The following GALNT13 variants were observed in gnomAD, a reference collection of about 807,000 sequenced individuals.
The protein encoded by GALNT13 is polypeptide N-acetylgalactosaminyltransferase 13.
In GALNT13, 28 loss-of-function variants were observed where a neutral mutation model predicts 64.2. The observed-to-expected ratio is 0.44, with a 90% CI of 0.32 to 0.60. The LOEUF is 0.60. Among genes scored for constraint, GALNT13 ranks in the 20% least tolerant of loss-of-function variants. The pLI, the probability that GALNT13 is intolerant of heterozygous loss-of-function variation, is 0.05. For synonymous variants in GALNT13, 214 were observed against 224.6 expected (o/e 0.95, Z 0.42); for missense variants, 577 against 669.8 (o/e 0.86, Z 1.53).
At chr2:154,038,284 T>C (rs927164021) in intron 3 of GALNT13, among the ~76,000 whole-genome samples, 4 of 152,126 alleles carry the variant, frequency 2.6e-5, no homozygotes, top group African/African-American at 9.7e-5. Context: ...AACATTTGAA[T>C]TGAACCACAA....
At chr2:153,982,100 G>A (rs1215728201) in intron 3 of GALNT13, among the ~76,000 whole-genome samples, 1 of 151,982 alleles carries the variant, frequency 6.6e-6, no homozygotes, top group Non-Finnish European at 1.5e-5. Flanking sequence ...TAACAAATGT[G>A]TGCTAGGAGA....
chr2:153,586,013 C>A, the GALNT13 span, among the ~76,000 whole-genome samples: 1 of 151,840 alleles, frequency 6.6e-6, no homozygotes, highest in African/African-American at 2.4e-5. Flanking sequence ...ATGATATTCA[C>A]CATCATGAAA....
chr2:153,961,859 G>T lies in GALNT13; in HGVS notation c.142+17220G>T, dbSNP rs962601254. On this transcript the variant is annotated intron_variant, in intron 3 of 12. Coordinates refer to ENST00000392825, the MANE Select transcript of GALNT13 (RefSeq NM_052917.4). ...ATTATTGTAATTAAAGGGCCATGTT[G>T]TACAGAGACAACTGGCTATAATAGA... Among the ~76,000 whole-genome samples, 3 of 152,254 alleles carry T rather than the reference G, an allele frequency of 2.0e-5. No individual in the cohort carries two copies. In the East Asian group the frequency reaches 5.8e-4, roughly 29 times the overall value.
At chr2:153,367,834 A>T in the GALNT13 span, among the ~76,000 whole-genome samples, 2 of 152,130 alleles carry the variant, frequency 1.3e-5, no homozygotes, top group South Asian at 4.1e-4. Context: ...AATCAACGTA[A>T]GAGAGAAAAA....
chr2:153,276,799 T>C, the GALNT13 span, among the ~76,000 whole-genome samples: 1 of 152,166 alleles, frequency 6.6e-6, no homozygotes, highest in African/African-American at 2.4e-5. Context: ...AGATTTAGGT[T>C]CTTTGTGAGC....
rs1702586435 is a variant in GALNT13, at chr2:154,105,841, T to C, written c.143-34496T>C. 2.6e-5 allele frequency among the ~76,000 whole-genome samples: 4 copies of C among 152,202 alleles called. No individual in the cohort carries two copies. The South Asian group carries it at 8.3e-4, about 31-fold the overall frequency. On this transcript the variant is annotated intron_variant, in intron 3 of 12. Transcript: ENST00000392825. ...GCAGTGAAGAGACTAAATTTTTATT[T>C]TATTTCAATTAATTTAAATTAAAAT... is the stretch of plus-strand genomic sequence containing the variant.
At chr2:153,574,190 A>C in the GALNT13 span, among the ~76,000 whole-genome samples, 1 of 151,044 alleles carries the variant, frequency 6.6e-6, no homozygotes, top group Non-Finnish European at 1.5e-5. Flanking sequence ...CCTGGCCTGT[A>C]AGGTTTCCAC....
the GALNT13 span, among the ~76,000 whole-genome samples, chr2:153,858,916 T>C: frequency 6.6e-6 from 1 of 152,020 alleles, no homozygotes; most frequent in African/African-American, 2.4e-5. Context: ...TATTTTTTAG[T>C]AGAGATGGGA....
the GALNT13 span, among the ~76,000 whole-genome samples, chr2:153,484,763 T>C: frequency 3.3e-5 from 5 of 152,200 alleles, no homozygotes; most frequent in Admixed American, 3.3e-4. Flanking sequence ...TCCAAATGAT[T>C]CAATAGTCTA....
At chr2:154,042,000 G>A (rs1699009503) in intron 3 of GALNT13, among the ~76,000 whole-genome samples, 1 of 140,070 alleles carries the variant, frequency 7.1e-6, no homozygotes, top group Non-Finnish European at 1.6e-5. Flanking sequence ...TAGGTGTTTA[G>A]TATATTTATT....
rs1434371633 is a variant in GALNT13, at chr2:154,295,422, G to A, written c.976-5987G>A. Among the ~76,000 whole-genome samples the A allele has an allele frequency of 2.0e-5, 3 of 150,784 alleles. No homozygotes were observed. In the East Asian group the frequency reaches 5.9e-4, roughly 29 times the overall value. ...TCTGTCACCCAGGCTGGAGTGCAGT[G>A]GCGCGACCTTGGCTCAATGCAACCT... is the stretch of plus-strand genomic sequence containing the variant. On this transcript the variant is annotated intron_variant, in intron 8 of 12. Transcript: ENST00000392825.
chr2:154,408,800 T>A (rs1699664836), intron 10 of GALNT13, among the ~76,000 whole-genome samples, 184 bp from the exon 11 acceptor site: 1 of 152,058 alleles, frequency 6.6e-6, no homozygotes, highest in Admixed American at 6.6e-5. Context: ...TTTAGAAATG[T>A]ATACAGGTTA....
At chr2:153,256,057 A>C in the GALNT13 span, among the ~76,000 whole-genome samples, 10 of 152,188 alleles carry the variant, frequency 6.6e-5, no homozygotes, top group East Asian at 9.7e-4. Context: ...TATCCTGCAG[A>C]GTGTTTTCCA....
At chr2:153,233,245 A>G in the GALNT13 span, among the ~76,000 whole-genome samples, 1 of 152,186 alleles carries the variant, frequency 6.6e-6, no homozygotes, top group Admixed American at 6.5e-5. Context: ...CATGGCCACC[A>G]TATTTCAGTG....
chr2:153,496,026 A>C, the GALNT13 span, among the ~76,000 whole-genome samples: 2 of 152,208 alleles, frequency 1.3e-5, no homozygotes, highest in Non-Finnish European at 2.9e-5. Flanking sequence ...AGCCCTGCCG[A>C]TGGTGTCCAA....
chr2:153,876,590 C>T (rs1278345848), intron 1 of GALNT13, among the ~76,000 whole-genome samples: 1 of 152,040 alleles, frequency 6.6e-6, no homozygotes, highest in Non-Finnish European at 1.5e-5. Flanking sequence ...TTCTTGATTT[C>T]ATATTTAGAC....
At chr2:153,649,040 G>C in the GALNT13 span, among the ~76,000 whole-genome samples, 2 of 152,168 alleles carry the variant, frequency 1.3e-5, no homozygotes, top group African/African-American at 4.8e-5. Context: ...AGAAAGAATG[G>C]TACCAGGTCC....
intron 8 of GALNT13, among the ~76,000 whole-genome samples, chr2:154,295,228 C>CT (rs200436828): frequency 1.3e-5 from 2 of 152,052 alleles, no homozygotes; most frequent in African/African-American, 4.8e-5. Flanking sequence ...TTTAAAATGA[C>CT]TTTTTTCCCC....
intron 4 of GALNT13, among the ~76,000 whole-genome samples, chr2:154,182,619 A>T (rs1686022049): frequency 6.7e-6 from 1 of 148,888 alleles, no homozygotes. Context: ...AGCAGAAAAA[A>T]TATATATTTA....
Sources: gnomAD v4.1 joint callset for allele counts (sites outside exome capture counted in the v4.1 genomes callset) on GRCh38, gnomAD v4.1.1 for gene constraint, MANE v1.5 for transcripts, NCBI Gene and HGNC (gene_info 2026-07-23, HGNC 2026-07-21) for gene names.